Variants in CNOT2 observed in about 807,000 individuals in gnomAD.
CNOT2 encodes the protein CC chemokine receptor 4-negative regulator of transcription 2.
CNOT2 carries 7 observed loss-of-function variants against 72.1 expected under a neutral mutation model. The observed-to-expected ratio is 0.10, with a 90% CI of 0.06 to 0.18. CNOT2 has a LOEUF of 0.18. CNOT2 is among the 10% of genes least tolerant of loss of function. The pLI is 1.00. For synonymous variants in CNOT2, 196 were observed against 225.6 expected (o/e 0.87, Z 1.17); for missense variants, 345 against 660.3 (o/e 0.52, Z 5.23).
intron 1 of CNOT2, among the ~76,000 whole-genome samples, chr12:70,248,992 G>C (rs1367017850): frequency 6.6e-6 from 1 of 152,076 alleles, no homozygotes; most frequent in Non-Finnish European, 1.5e-5. Flanking sequence ...GTAACAGTGA[G>C]TAGACTTGCT....
intron 15 of CNOT2, 91 bp from the exon 16 acceptor site, chr12:70,353,738 G>A: frequency 2.0e-6 from 3 of 1,531,698 alleles, no homozygotes; most frequent in Admixed American, 2.1e-5. Flanking sequence ...ATATATATTG[G>A]GTATTTTATT....
At chr12:70,300,169 A>G (rs1206678668) in intron 2 of CNOT2, among the ~76,000 whole-genome samples, 3 of 152,098 alleles carry the variant, frequency 2.0e-5, no homozygotes, top group Admixed American at 6.6e-5. Flanking sequence ...ATTCTGTAGA[A>G]GCCTGTTCAC....
At chr12:70,278,098 T>C in intron 1 of CNOT2, 34 bp from the exon 2 acceptor site, 1 of 620,096 alleles carries the variant, frequency 1.6e-6, no homozygotes, top group South Asian at 2.2e-5. Flanking sequence ...TACATGTTAG[T>C]AATTTTGATG....
chr12:70,296,413 CT>C (rs1304509623), intron 2 of CNOT2, among the ~76,000 whole-genome samples: 1 of 151,822 alleles, frequency 6.6e-6, no homozygotes, highest in Admixed American at 6.6e-5. Flanking sequence ...TCATTGAGGC[CT>C]TTTTTGCTTA....
intron 1 of CNOT2, chr12:70,243,870 T>G (rs1014438447): frequency 2.3e-4 from 35 of 152,324 alleles, no homozygotes; most frequent in African/African-American, 7.7e-4. Flanking sequence ...GAGGAGCCGC[T>G]GCCGCCGCGC....
chr12:70,350,219 G>A (rs1882705401), intron 15 of CNOT2, among the ~76,000 whole-genome samples: 2 of 152,078 alleles, frequency 1.3e-5, no homozygotes, highest in African/African-American at 4.8e-5. Flanking sequence ...GATAGAGGCT[G>A]CCTTATTATC....
At chr12:70,342,341 T>A (rs777174672) in intron 13 of CNOT2, 34 bp downstream of exon 13, 7 of 1,606,020 alleles carry the variant, frequency 4.4e-6, no homozygotes, top group Admixed American at 3.4e-5. Flanking sequence ...TCAGTCAGCA[T>A]GAATTTATCT....
At chr12:70,250,012 A>T (rs1195447523) in intron 1 of CNOT2, among the ~76,000 whole-genome samples, 1 of 152,104 alleles carries the variant, frequency 6.6e-6, no homozygotes, top group East Asian at 1.9e-4. Flanking sequence ...AGGTATATTT[A>T]TGTCAGGCCA....
At chr12:70,299,323 T>C (rs184659842) in intron 2 of CNOT2, among the ~76,000 whole-genome samples, 1 of 152,170 alleles carries the variant, frequency 6.6e-6, no homozygotes, top group African/African-American at 2.4e-5. Context: ...GCTGCACCCA[T>C]TAACTTGTCA....
chr12:70,294,100 CTGGT>C, intron 2 of CNOT2: 2 of 1,284,714 alleles, frequency 1.6e-6, no homozygotes, highest in Non-Finnish European at 2.0e-6. Flanking sequence ...TTATCATGTT[CTGGT>C]TGGACTTTCT....
chr12:70,354,111 A>G lies in CNOT2; in HGVS notation c.*196A>G. The G allele has an allele frequency of 9.8e-7, 1 of 1,016,640 alleles. No individual in the cohort carries two copies. The highest frequency in any genetic ancestry group is 1.3e-6 in the Non-Finnish European group (1 of 767,478). The allele number at this position is 1,016,640 out of a possible 1,614,324, so 63.0% of individuals were successfully genotyped here. On this transcript the variant is annotated 3_prime_UTR_variant, in exon 16 of 16. Coordinates refer to ENST00000229195, the MANE Select transcript of CNOT2 (RefSeq NM_014515.7). ...TAATTATGTGCTGCCCAACAACTAA[A>G]TTTGTAATTTGTTTTTCTCTAGTTT...
At chr12:70,291,102 T>A (rs958429370) in intron 2 of CNOT2, among the ~76,000 whole-genome samples, 4 of 152,186 alleles carry the variant, frequency 2.6e-5, no homozygotes, top group African/African-American at 9.7e-5. Flanking sequence ...TTGGACTGTT[T>A]CCTCTGAATT....
intron 9 of CNOT2, chr12:70,338,171 A>ATTT: frequency 3.8e-6 from 1 of 262,532 alleles, no homozygotes; most frequent in Non-Finnish European, 7.0e-6. Flanking sequence ...AAAGAGATAG[A>ATTT]TTTTTTTTTT....
intron 2 of CNOT2, among the ~76,000 whole-genome samples, chr12:70,282,439 T>C (rs1320254273): frequency 6.6e-6 from 1 of 152,244 alleles, no homozygotes; most frequent in Non-Finnish European, 1.5e-5. Flanking sequence ...CAACATTAAA[T>C]ATCTTACTTC....
At chr12:70,288,366 C>T (rs1871283122) in intron 2 of CNOT2, among the ~76,000 whole-genome samples, 1 of 152,004 alleles carries the variant, frequency 6.6e-6, no homozygotes, top group South Asian at 2.1e-4. Flanking sequence ...AGGCTGGTCT[C>T]CAACTCCTGA....
chr12:70,302,087 G>C (rs1283752641), intron 2 of CNOT2, among the ~76,000 whole-genome samples: 2 of 151,996 alleles, frequency 1.3e-5, no homozygotes, highest in Non-Finnish European at 2.9e-5. Context: ...ATTTTTTATT[G>C]CATCTATTTG....
intron 1 of CNOT2, chr12:70,243,895 G>A (rs1016857453): frequency 1.3e-5 from 2 of 152,258 alleles, no homozygotes; most frequent in Non-Finnish European, 2.9e-5. Context: ...TCCTGGGGGA[G>A]AAGAGAAGGC....
intron 1 of CNOT2, among the ~76,000 whole-genome samples, chr12:70,255,427 C>G (rs1279459472): frequency 6.6e-6 from 1 of 151,990 alleles, no homozygotes; most frequent in Non-Finnish European, 1.5e-5. Flanking sequence ...GTTCTTTGTC[C>G]CTTAAATCTG....
At chr12:70,274,797 GTT>G (rs1442845254) in intron 1 of CNOT2, among the ~76,000 whole-genome samples, 3 of 152,022 alleles carry the variant, frequency 2.0e-5, no homozygotes, top group Non-Finnish European at 4.4e-5. Flanking sequence ...TTGGGGTCTG[GTT>G]TGTTTCCTGT....
Sources: allele counts gnomAD v4.1 joint callset (sites outside exome capture counted in the v4.1 genomes callset), GRCh38; gene constraint gnomAD v4.1.1; transcripts MANE v1.5; gene names NCBI Gene and HGNC (gene_info 2026-07-23, HGNC 2026-07-21).